Variants in SGSM1 observed in about 807,000 individuals in gnomAD.
SGSM1 encodes the protein small G protein signaling modulator 1, also known as RUN and TBC1 domain containing 2.
A neutral mutation model predicts 133.8 loss-of-function variants in SGSM1; 73 were observed. The observed-to-expected ratio is 0.55, with a 90% CI of 0.45 to 0.66. The LOEUF (loss-of-function observed/expected upper bound fraction) is 0.66. SGSM1 is among the 30% of genes least tolerant of loss of function. The pLI, the probability that SGSM1 is intolerant of heterozygous loss-of-function variation, is 0.00. For synonymous variants in SGSM1, 563 were observed against 573.0 expected (o/e 0.98, Z 0.25); for missense variants, 1,213 against 1,448.1 (o/e 0.84, Z 2.64).
chr22:24,923,922 G>T (rs781767618), intron 24 of SGSM1, among the ~76,000 whole-genome samples: 1 of 152,000 alleles, frequency 6.6e-6, no homozygotes, highest in Non-Finnish European at 1.5e-5. Flanking sequence ...ATGCCCGGCC[G>T]ACCTCACCTT....
chr22:24,889,152 G>A (rs975554305), intron 16 of SGSM1, among the ~76,000 whole-genome samples: 3 of 151,720 alleles, frequency 2.0e-5, no homozygotes, highest in Non-Finnish European at 4.4e-5. Context: ...AGTAGAGACG[G>A]GGTTTCACCA....
At chr22:24,903,823 T>C (rs987143411) in intron 20 of SGSM1, among the ~76,000 whole-genome samples, 1 of 151,650 alleles carries the variant, frequency 6.6e-6, no homozygotes, top group Non-Finnish European at 1.5e-5. Flanking sequence ...AATACAAAAA[T>C]TAGCCAGGTG....
chr22:24,903,306 T>A (rs1337414765), intron 20 of SGSM1, among the ~76,000 whole-genome samples: 2 of 151,630 alleles, frequency 1.3e-5, no homozygotes, highest in African/African-American at 4.8e-5. Flanking sequence ...CCTCCTGGGT[T>A]CAAGCAATTC....
At chr22:24,824,093 T>C (rs1375790220) in intron 2 of SGSM1, among the ~76,000 whole-genome samples, 1 of 152,030 alleles carries the variant, frequency 6.6e-6, no homozygotes, top group Non-Finnish European at 1.5e-5. Context: ...GGTGTTACTC[T>C]AGGAGCTCAG....
rs915589155 is a variant in SGSM1 at position 24,855,611 on chromosome 22, C to T, written c.732C>T (p.Tyr244=). 30 of 1,613,860 alleles carry T rather than the reference C, an allele frequency of 1.9e-5. No homozygotes were observed. Among genetic ancestry groups the T allele is most frequent in the East Asian group, 2.2e-5 (1 of 44,884 alleles). The change falls in exon 8 of 25, where the codon TAC becomes TAT. Residue 244 remains tyrosine (Y), a synonymous_variant. Transcript: ENST00000400358. The part of the protein sequence containing the change: ...DDRPSLSARD[Y]VESLHQNSRA... Reference sequence around the variant, plus strand: ...GGCCATCCCTCTCTGCCCGCGACTACGTGGAGTCCCTGCATCAGAACTCCC... The same window carrying T: ...GGCCATCCCTCTCTGCCCGCGACTATGTGGAGTCCCTGCATCAGAACTCCC...
chr22:24,895,247 C>T lies in SGSM1; in HGVS notation c.1978C>T (p.Arg660Cys), dbSNP rs373305837. 3.2e-4 allele frequency: 521 copies of T among 1,611,986 alleles called. No individual in the cohort carries two copies. The highest frequency in any genetic ancestry group is 4.2e-4 in the Non-Finnish European group (501 of 1,179,204). ...NESSQSCSSG[R>C]QNIRLHSDSS... Reference sequence around the variant, plus strand: ...GTCCTCCCAGAGCTGCAGTTCGGGCCGCCAGAACATCCGCCTGCACAGCGA... The same window carrying T: ...GTCCTCCCAGAGCTGCAGTTCGGGCTGCCAGAACATCCGCCTGCACAGCGA... The change falls in exon 18 of 25, where the codon CGC (arginine) becomes TGC (cysteine). Residue 660 changes from arginine (R) to cysteine (C), a missense_variant. Physicochemically the swap from Arg to Cys is radical, Grantham distance 180. Coordinates refer to ENST00000400358, the MANE Select transcript of SGSM1 (RefSeq NM_001098497.3).
intron 2 of SGSM1, among the ~76,000 whole-genome samples, chr22:24,819,451 G>A (rs1325249180): frequency 6.6e-6 from 1 of 152,182 alleles, no homozygotes; most frequent in Admixed American, 6.5e-5. Context: ...ATGCATTAGT[G>A]TATGTAATGT....
chr22:24,865,598 G>A (rs1019631213), intron 9 of SGSM1, among the ~76,000 whole-genome samples: 3 of 152,208 alleles, frequency 2.0e-5, no homozygotes, highest in African/African-American at 7.2e-5. Context: ...TCTGGTGGAA[G>A]TGGGATTTGA....
intron 24 of SGSM1, 60 bp from the exon 25 acceptor site, chr22:24,924,126 T>C: frequency 1.3e-6 from 2 of 1,530,890 alleles, no homozygotes; most frequent in Non-Finnish European, 1.8e-6. Context: ...GGGGCTGGAA[T>C]TGTACCCTAA....
chr22:24,844,843 AGGTCACCTT>A (rs1403088431), intron 2 of SGSM1, 45 bp from the exon 3 acceptor site: 14 of 1,584,130 alleles, frequency 8.8e-6, no homozygotes, highest in Non-Finnish European at 1.2e-5. Context: ...ACCTATACCC[AGGTCACCTT>A]GGTCACCTTG....
chr22:24,818,715 C>T (rs9612776), intron 2 of SGSM1, among the ~76,000 whole-genome samples: 126,908 of 152,016 alleles, frequency 0.83, 53,140 homozygotes, highest in East Asian at 0.95. Context: ...TGCCAAAACA[C>T]TGGGTCTGTA....
At chr22:24,879,799 C>G (rs1283153860) in intron 14 of SGSM1, among the ~76,000 whole-genome samples, 1 of 152,096 alleles carries the variant, frequency 6.6e-6, no homozygotes, top group Non-Finnish European at 1.5e-5. Flanking sequence ...CACTGCATCC[C>G]CAGGTGCTAC....
chr22:24,833,170 A>G (rs1307366968), intron 2 of SGSM1, among the ~76,000 whole-genome samples: 1 of 151,100 alleles, frequency 6.6e-6, no homozygotes, highest in Non-Finnish European at 1.5e-5. Context: ...CCTGACCTCA[A>G]GTGATCTACC....
intron 16 of SGSM1, among the ~76,000 whole-genome samples, chr22:24,889,714 A>G (rs1932773237): frequency 6.8e-6 from 1 of 146,702 alleles, no homozygotes; most frequent in Admixed American, 7.0e-5. Flanking sequence ...CAGTGGCGCG[A>G]TCTCGGCTCA....
rs943243885 is a variant in SGSM1 at position 24,822,693 on chromosome 22, C to A, written c.63+16209C>A. Among the ~76,000 whole-genome samples the A allele has an allele frequency of 2.0e-5, 3 of 152,260 alleles. No individual in the cohort carries two copies. The South Asian group carries it at 6.2e-4, about 32-fold the overall frequency. ...TGGCAGGTGCCACCGTCCCCTGGCT[C>A]TGGGAGCAGCAAGTTGGCTGTGACT... On this transcript the variant is annotated intron_variant, in intron 2 of 24. Coordinates refer to ENST00000400358, the MANE Select transcript of SGSM1 (RefSeq NM_001098497.3).
chr22:24,901,812 C>T lies in SGSM1; in HGVS notation c.2611-21C>T, dbSNP rs755980074. ...TGATTTTTCATTTCTTCCCCCTACCCCCTGCCCCGATGGCCTATAGCCAGA... is the reference window on the plus strand; with the variant it reads ...TGATTTTTCATTTCTTCCCCCTACCTCCTGCCCCGATGGCCTATAGCCAGA... On this transcript the variant is annotated intron_variant, in intron 19 of 24. Coordinates refer to ENST00000400358, the MANE Select transcript of SGSM1 (RefSeq NM_001098497.3). 4 of 1,611,056 alleles carry T rather than the reference C, an allele frequency of 2.5e-6. No homozygotes were observed. In the Middle Eastern group the frequency reaches 5.0e-4, roughly 200 times the overall value.
At chr22:24,883,515 C>T (rs530047602) in intron 14 of SGSM1, among the ~76,000 whole-genome samples, 28 of 152,300 alleles carry the variant, frequency 1.8e-4, no homozygotes, top group Non-Finnish European at 3.7e-4. Flanking sequence ...AGGGTGCCAT[C>T]ACCCTGACTG....
intron 2 of SGSM1, among the ~76,000 whole-genome samples, chr22:24,842,317 C>A (rs1929851846): frequency 6.6e-6 from 1 of 152,174 alleles, no homozygotes; most frequent in Non-Finnish European, 1.5e-5. Context: ...GTCCTCATAG[C>A]TGTGTGACCC....
chr22:24,903,456 G>T (rs571003301), intron 20 of SGSM1, among the ~76,000 whole-genome samples: 1 of 152,122 alleles, frequency 6.6e-6, no homozygotes, highest in South Asian at 2.1e-4. Context: ...CAATCCACCT[G>T]CCTTGACCTC....
Sources: allele counts gnomAD v4.1 joint callset (sites outside exome capture counted in the v4.1 genomes callset), GRCh38; gene constraint gnomAD v4.1.1; transcripts MANE v1.5; gene names NCBI Gene and HGNC (gene_info 2026-07-23, HGNC 2026-07-21).